Variants in CACNA1C observed in about 807,000 individuals in gnomAD.
CACNA1C encodes voltage-dependent L-type calcium channel subunit alpha-1C.
A neutral mutation model predicts 229.0 loss-of-function variants in CACNA1C; 30 were observed. That is an observed-to-expected ratio of 0.13 (90% CI 0.10 to 0.18). The LOEUF is 0.18. CACNA1C is among the 10% of genes least tolerant of loss of function. The pLI is 1.00. For synonymous variants in CACNA1C, 1,114 were observed against 1,132.5 expected (o/e 0.98, Z 0.33); for missense variants, 1,658 against 2,845.0 (o/e 0.58, Z 9.49).
At chr12:2,161,029 C>A (rs2095827472) in intron 3 of CACNA1C, among the ~76,000 whole-genome samples, 1 of 152,202 alleles carries the variant, frequency 6.6e-6, no homozygotes, top group South Asian at 2.1e-4. Context: ...ACCATGTTAG[C>A]CAGACTGGTC....
In CACNA1C at chr12:2,334,432, A is replaced by C. The variant is rs115863457; in HGVS notation, c.478-114544A>C. ...TTAGGATGCTCAACTTCCAACTAGCAGACTGGGCACATGTCCTAGAGAGGA... is the reference window on the plus strand; with the variant it reads ...TTAGGATGCTCAACTTCCAACTAGCCGACTGGGCACATGTCCTAGAGAGGA... On this transcript the variant is annotated intron_variant, in intron 3 of 46. Transcript: ENST00000399655. Among the ~76,000 whole-genome samples, 960 of 152,300 alleles carry C rather than the reference A, an allele frequency of 6.3e-3. 14 individuals are homozygous for C. Among genetic ancestry groups the C allele is most frequent in the African/African-American group, 0.021 (859 of 41,558 alleles).
intron 3 of CACNA1C, among the ~76,000 whole-genome samples, chr12:2,277,223 C>T (rs1013824042): frequency 1.8e-4 from 28 of 152,036 alleles, no homozygotes; most frequent in African/African-American, 6.3e-4. Flanking sequence ...TCAGGGGCCC[C>T]GTGAGCCATT....
chr12:2,494,045 G>A lies in CACNA1C; in HGVS notation c.1113+659G>A, dbSNP rs146273361. Among the ~76,000 whole-genome samples the A allele has an allele frequency of 2.0e-3, 306 of 151,840 alleles. 1 individual carries two copies. The highest frequency in any genetic ancestry group is 5.6e-3 in the Admixed American group (86 of 15,256). ...AATTTTTATTTTACTTTAGGTTCTG[G>A]GATACATGTGTAGAACGTGCAGGTT... On this transcript the variant is annotated intron_variant, in intron 7 of 46. Coordinates refer to ENST00000399655, the MANE Select transcript of CACNA1C (RefSeq NM_000719.7).
At chr12:2,659,486 C>T (rs1363686394) in intron 34 of CACNA1C, among the ~76,000 whole-genome samples, 1 of 152,166 alleles carries the variant, frequency 6.6e-6, no homozygotes, top group Non-Finnish European at 1.5e-5. Context: ...ATTGCCTAAC[C>T]ATGCATCTCC....
chr12:2,464,928 A>G (rs988505762), intron 5 of CACNA1C, among the ~76,000 whole-genome samples: 1 of 152,186 alleles, frequency 6.6e-6, no homozygotes, highest in Admixed American at 6.5e-5. Context: ...AAGCCTTACA[A>G]CATGCTGGTT....
chr12:2,272,496 C>G (rs1008199987), intron 3 of CACNA1C, among the ~76,000 whole-genome samples: 1 of 152,222 alleles, frequency 6.6e-6, no homozygotes, highest in Non-Finnish European at 1.5e-5. Context: ...GGAAGCCAGA[C>G]AGCAGATATT....
rs546372674 is a variant in CACNA1C, at chr12:2,641,834, C to T, written c.3913-6641C>T. On this transcript the variant is annotated intron_variant, in intron 30 of 46. Transcript: ENST00000399655. Reference sequence around the variant, plus strand: ...GTCCCTCCCCATCCCCCCACAAAGGCTGTTTTCTACTCTGCTTAAGAGTAT... The same window carrying T: ...GTCCCTCCCCATCCCCCCACAAAGGTTGTTTTCTACTCTGCTTAAGAGTAT... The T allele has an allele frequency of 1.3e-4, 94 of 700,666 alleles. 1 individual carries two copies. Among genetic ancestry groups the T allele is most frequent in the South Asian group, 1.2e-3 (81 of 67,402 alleles). The allele number at this position is 700,666 out of a possible 1,614,324, so 43.4% of individuals were successfully genotyped here. A position where few individuals can be genotyped will look rare whatever the true frequency, so the allele number is the denominator to read the frequency against.
intron 29 of CACNA1C, among the ~76,000 whole-genome samples, chr12:2,627,049 G>GC (rs1174551027): frequency 6.6e-6 from 1 of 152,128 alleles, no homozygotes; most frequent in Non-Finnish European, 1.5e-5. Context: ...TAGGAGAGCA[G>GC]CCCCCCTCGC....
intron 29 of CACNA1C, among the ~76,000 whole-genome samples, chr12:2,627,659 C>T (rs565587883): frequency 2.0e-5 from 3 of 152,114 alleles, no homozygotes; most frequent in African/African-American, 4.8e-5. Flanking sequence ...TCCCTAGGTC[C>T]GGTGAAGCCA....
At chr12:2,126,121 G>GTT (rs57155629) in intron 3 of CACNA1C, among the ~76,000 whole-genome samples, 3 of 149,882 alleles carry the variant, frequency 2.0e-5, no homozygotes, top group African/African-American at 4.9e-5. Flanking sequence ...CCAGAATAGA[G>GTT]TTTTTTTTTT....
Position 2,504,437 on chromosome 12 carries a change from T to C in CACNA1C, c.1114-405T>C. ...CCTAACTTTCCTTCGTCTTTCCAGA[T>C]GCAGGACGCTATGGGCTATGAGTTA... On this transcript the variant is annotated intron_variant, in intron 7 of 46. Coordinates refer to ENST00000399655, the MANE Select transcript of CACNA1C (RefSeq NM_000719.7). The surrounding 1 kb of genome is among the most constrained non-coding windows in gnomAD (Gnocchi z 6.8). The C allele has an allele frequency of 6.4e-7, 1 of 1,572,860 alleles. No homozygotes were observed.
intron 34 of CACNA1C, among the ~76,000 whole-genome samples, chr12:2,663,415 T>G (rs2095866765): frequency 6.6e-6 from 1 of 152,186 alleles, no homozygotes; most frequent in South Asian, 2.1e-4. Flanking sequence ...AGTATGAAGA[T>G]TCCTTAAAGA....
At chr12:2,276,659 C>T (rs1384689645) in intron 3 of CACNA1C, among the ~76,000 whole-genome samples, 1 of 152,166 alleles carries the variant, frequency 6.6e-6, no homozygotes, top group Non-Finnish European at 1.5e-5. Context: ...CCTTAATTAG[C>T]ATGGGTGTGT....
rs777722917 is a variant in CACNA1C at position 2,607,026 on chromosome 12, C to G, written c.3252C>G (p.Pro1084=). The part of the protein sequence containing the change: ...ITYKDGEVDH[P]IIQPRSWENS... ...ACAAAGACGGGGAGGTTGACCACCCCATCATCCAACCCCGCAGCTGGGAGA... is the reference window on the plus strand; with the variant it reads ...ACAAAGACGGGGAGGTTGACCACCCGATCATCCAACCCCGCAGCTGGGAGA... Residue 1084 remains proline, a synonymous_variant, in exon 26 of 47, where the codon CCC becomes CCG. Coordinates refer to ENST00000399655, the MANE Select transcript of CACNA1C (RefSeq NM_000719.7). The G allele has an allele frequency of 1.2e-6, 2 of 1,613,992 alleles. No individual in the cohort carries two copies. Among genetic ancestry groups the G allele is most frequent in the East Asian group, 4.5e-5 (2 of 44,874 alleles).
chr12:2,304,469 G>T (rs574014664), intron 3 of CACNA1C, among the ~76,000 whole-genome samples: 2 of 152,196 alleles, frequency 1.3e-5, no homozygotes, highest in South Asian at 4.1e-4. Context: ...TTCTGAGAGC[G>T]TGAAATCACC....
At position 2,467,269 on chromosome 12, in the gene CACNA1C, A is replaced by AG. The variant is rs2099559974; in HGVS notation, c.757+9567dup. 6.6e-6 allele frequency among the ~76,000 whole-genome samples: 1 copy of AG among 152,108 alleles called. No homozygotes were observed. Among genetic ancestry groups the AG allele is most frequent in the South Asian group, 2.1e-4 (1 of 4,824 alleles). On this transcript the variant is annotated intron_variant, in intron 5 of 46. Transcript: ENST00000399655. The surrounding 1 kb of genome is among the most constrained non-coding windows in gnomAD (Gnocchi z 4.6). ...TCCTGAATCCGAATGTCTGGGTGGG[A>AG]GGGGACTAGGCTAGTACAACTGAGC...
intron 1 of CACNA1C, among the ~76,000 whole-genome samples, chr12:2,097,436 G>A (rs1483866687): frequency 1.6e-4 from 25 of 152,238 alleles, no homozygotes; most frequent in Middle Eastern, 6.8e-3. Flanking sequence ...GTGAGCCACC[G>A]CGCCTGGCCA....
At chr12:2,517,847 C>T (rs2099800502) in intron 9 of CACNA1C, among the ~76,000 whole-genome samples, 1 of 152,228 alleles carries the variant, frequency 6.6e-6, no homozygotes, top group South Asian at 2.1e-4. Flanking sequence ...GACAGATTCT[C>T]TTCTTTTTCC....
chr12:2,226,546 T>C (rs928644109), intron 3 of CACNA1C, among the ~76,000 whole-genome samples: 1 of 152,212 alleles, frequency 6.6e-6, no homozygotes, highest in African/African-American at 2.4e-5. Context: ...TCTAGATACC[T>C]AGTTTTCCTC....
Sources: gnomAD v4.1 joint callset for allele counts (sites outside exome capture counted in the v4.1 genomes callset) on GRCh38, gnomAD v4.1.1 for gene constraint, Gnocchi (gnomAD v3.1) non-coding constraint, MANE v1.5 for transcripts, NCBI Gene and HGNC (gene_info 2026-07-23, HGNC 2026-07-21) for gene names.